SLC4A4: variants seen among roughly 807,000 people sequenced by gnomAD.
SLC4A4 encodes the protein electrogenic sodium bicarbonate cotransporter 1.
A neutral mutation model predicts 111.5 loss-of-function variants in SLC4A4; 27 were observed. The ratio of observed to expected loss-of-function variants is 0.24; its 90% CI spans 0.18 to 0.33. The LOEUF (loss-of-function observed/expected upper bound fraction) is 0.33, where lower values mean the gene tolerates loss of function less well. Among genes scored for constraint, SLC4A4 ranks in the 10% least tolerant of loss-of-function variants. The pLI, the probability that SLC4A4 is intolerant of heterozygous loss-of-function variation, is 1.00. For synonymous variants in SLC4A4, 443 were observed against 463.4 expected (o/e 0.96, Z 0.57); for missense variants, 909 against 1,315.5 (o/e 0.69, Z 4.78).
intron 2 of SLC4A4, among the ~76,000 whole-genome samples, chr4:71,245,024 A>T (rs1273883206): frequency 3.9e-5 from 6 of 152,160 alleles, no homozygotes; most frequent in Non-Finnish European, 5.9e-5. Context: ...TCTCCTACAG[A>T]ATAACATTAA....
intron 1 of SLC4A4, among the ~76,000 whole-genome samples, chr4:71,200,436 G>C (rs3113798): frequency 0.16 from 24,222 of 151,902 alleles, 3,146 homozygotes; most frequent in African/African-American, 0.33. Context: ...TATAATTTTC[G>C]CTCTTGTTCA....
At chr4:71,176,437 A>G (rs1227211479) in intron 2 of SLC4A4, among the ~76,000 whole-genome samples, 1 of 152,220 alleles carries the variant, frequency 6.6e-6, no homozygotes, top group Non-Finnish European at 1.5e-5. Flanking sequence ...TTGAAAAAAA[A>G]TTAGATGAAT....
chr4:71,507,414 TG>T (rs1389559073), intron 16 of SLC4A4, among the ~76,000 whole-genome samples: 3 of 151,554 alleles, frequency 2.0e-5, no homozygotes, highest in Non-Finnish European at 4.4e-5. Context: ...ACCAAACAAA[TG>T]GAAAACAGAA....
intron 15 of SLC4A4, among the ~76,000 whole-genome samples, chr4:71,488,206 A>G (rs1399392934): frequency 6.6e-6 from 1 of 151,042 alleles, no homozygotes; most frequent in Non-Finnish European, 1.5e-5. Flanking sequence ...TTAATTTGTA[A>G]TAAATATTAG....
chr4:71,511,207 A>C (rs1731882867), intron 16 of SLC4A4, among the ~76,000 whole-genome samples: 1 of 152,068 alleles, frequency 6.6e-6, no homozygotes, highest in Non-Finnish European at 1.5e-5. Flanking sequence ...TTTATCAGTG[A>C]GTTTTATACT....
intron 12 of SLC4A4, among the ~76,000 whole-genome samples, chr4:71,461,053 C>T (rs1366055054): frequency 6.6e-6 from 1 of 152,046 alleles, no homozygotes; most frequent in Non-Finnish European, 1.5e-5. Context: ...ATTGGGCTAC[C>T]TCATAATTCT....
At position 71,103,840 on chromosome 4, in the gene SLC4A4, C is replaced by T. The variant is rs1742834139; in HGVS notation, c.-2+11048C>T. The stretch of plus-strand genomic sequence containing the variant: ...AGCAGGAAAGATCCAAAATTGACAC[C>T]CTAACATCACAATTAAAAGAACTAG... On this transcript the variant is annotated intron_variant, in intron 2 of 26. Transcript: ENST00000649996. 1.4e-5 allele frequency among the ~76,000 whole-genome samples: 2 copies of T among 147,126 alleles called. 1 individual carries two copies. The highest frequency in any genetic ancestry group is 3.0e-5 in the Non-Finnish European group (2 of 66,668).
intron 9 of SLC4A4, among the ~76,000 whole-genome samples, chr4:71,448,451 A>T (rs552805862): frequency 5.7e-4 from 87 of 152,176 alleles, no homozygotes; most frequent in Non-Finnish European, 7.8e-4. Flanking sequence ...GGGTTCTATA[A>T]AATAATGTCT....
intron 2 of SLC4A4, among the ~76,000 whole-genome samples, chr4:71,169,560 T>C (rs1365315924): frequency 2.0e-5 from 3 of 152,180 alleles, no homozygotes. Context: ...TTGAGTTTTT[T>C]CCTTATAGAG....
At chr4:71,184,975 T>C (rs1745405646), upstream of SLC4A4, among the ~76,000 whole-genome samples, 1 of 152,170 alleles carries the variant, frequency 6.6e-6, no homozygotes, top group Non-Finnish European at 1.5e-5. Flanking sequence ...TTAAGACACA[T>C]ACCAAATCTC....
intron 1 of SLC4A4, among the ~76,000 whole-genome samples, chr4:71,089,794 T>G (rs1348737309): frequency 1.3e-5 from 2 of 152,008 alleles, no homozygotes; most frequent in African/African-American, 4.8e-5. Context: ...ATGTGAGGTG[T>G]CAGTCTGCCC....
intron 16 of SLC4A4, among the ~76,000 whole-genome samples, chr4:71,516,598 GT>G: frequency 6.6e-6 from 1 of 152,312 alleles, no homozygotes; most frequent in South Asian, 2.1e-4. Context: ...GCTAATGTCA[GT>G]GTTCATGTGG....
At chr4:71,149,351 T>C (rs1431203148) in intron 2 of SLC4A4, among the ~76,000 whole-genome samples, 1 of 152,176 alleles carries the variant, frequency 6.6e-6, no homozygotes, top group Non-Finnish European at 1.5e-5. Context: ...TGATAGTCTT[T>C]TTCTGGGCTC....
intron 7 of SLC4A4, among the ~76,000 whole-genome samples, chr4:71,398,790 C>G (rs1385602266): frequency 6.6e-6 from 1 of 152,150 alleles, no homozygotes; most frequent in African/African-American, 2.4e-5. Context: ...AACTATAATA[C>G]ATAACTCACC....
At chr4:71,271,078 G>A (rs1016609553) in intron 3 of SLC4A4, among the ~76,000 whole-genome samples, 7 of 152,154 alleles carry the variant, frequency 4.6e-5, no homozygotes, top group Non-Finnish European at 1.0e-4. Flanking sequence ...TTTGCCTGCA[G>A]GGGTCCTCAG....
At chr4:71,349,329 G>T (rs991520937) in intron 4 of SLC4A4, among the ~76,000 whole-genome samples, 2 of 152,158 alleles carry the variant, frequency 1.3e-5, no homozygotes, top group Non-Finnish European at 2.9e-5. Flanking sequence ...AGGGGAATAT[G>T]CATCAGCTGA....
chr4:71,435,172 C>T (rs925309881), intron 7 of SLC4A4, among the ~76,000 whole-genome samples: 4 of 152,130 alleles, frequency 2.6e-5, no homozygotes, highest in Non-Finnish European at 4.4e-5. Flanking sequence ...TACAAGGCTA[C>T]AGTAACCAAA....
At chr4:71,532,567 G>T (rs562091149) in intron 17 of SLC4A4, among the ~76,000 whole-genome samples, 1 of 151,992 alleles carries the variant, frequency 6.6e-6, no homozygotes, top group African/African-American at 2.4e-5. Flanking sequence ...GTGTGGTGGT[G>T]CAATCTCAGC....
At chr4:71,286,893 G>T (rs1723959646) in intron 3 of SLC4A4, among the ~76,000 whole-genome samples, 1 of 151,666 alleles carries the variant, frequency 6.6e-6, no homozygotes, top group Non-Finnish European at 1.5e-5. Flanking sequence ...TGAGGTAAAT[G>T]TTATTATTAT....
Sources: allele counts gnomAD v4.1 joint callset (sites outside exome capture counted in the v4.1 genomes callset), GRCh38; gene constraint gnomAD v4.1.1; transcripts MANE v1.5; gene names NCBI Gene and HGNC (gene_info 2026-07-23, HGNC 2026-07-21).